TRPM3: variants seen among roughly 807,000 people sequenced by gnomAD.
TRPM3 encodes transient receptor potential cation channel subfamily M member 3.
A neutral mutation model predicts 181.2 loss-of-function variants in TRPM3; 77 were observed. The ratio of observed to expected loss-of-function variants is 0.42; its 90% CI spans 0.35 to 0.51. The LOEUF is 0.51. Ranked by LOEUF, TRPM3 falls within the 20% of genes least tolerant of loss-of-function variation. The probability of loss-of-function intolerance (pLI) is 0.01; values close to 1 mark genes in which losing one functional copy is unlikely to be tolerated. For synonymous variants in TRPM3, 745 were observed against 796.4 expected (o/e 0.94, Z 1.09); for missense variants, 1,759 against 2,196.7 (o/e 0.80, Z 3.98).
At chr9:71,044,753 C>T (rs1302548050) in intron 1 of TRPM3, among the ~76,000 whole-genome samples, 1 of 152,048 alleles carries the variant, frequency 6.6e-6, no homozygotes, top group Non-Finnish European at 1.5e-5. Context: ...CTCACTGCAA[C>T]CTCCGCCTCC....
chr9:71,020,843 G>A (rs971709960), intron 1 of TRPM3, among the ~76,000 whole-genome samples: 9 of 152,140 alleles, frequency 5.9e-5, no homozygotes, highest in Admixed American at 5.2e-4. Context: ...AATTCTCATA[G>A]TCTACAGTAA....
chr9:71,297,547 G>A (rs1320683963), intron 1 of TRPM3, among the ~76,000 whole-genome samples: 4 of 152,086 alleles, frequency 2.6e-5, no homozygotes, highest in Non-Finnish European at 4.4e-5. Context: ...GAATGAGATC[G>A]GAATGAAGGA....
chr9:70,966,642 T>G (rs186559186), intron 1 of TRPM3, among the ~76,000 whole-genome samples: 2 of 152,124 alleles, frequency 1.3e-5, no homozygotes, highest in Admixed American at 1.3e-4. Flanking sequence ...AACAAAGGAA[T>G]AGAAAACCAA....
chr9:71,330,082 G>A (rs1219990889), intron 1 of TRPM3, among the ~76,000 whole-genome samples: 5 of 150,278 alleles, frequency 3.3e-5, no homozygotes, highest in East Asian at 3.9e-4. Context: ...CTGCAGCATA[G>A]TGCCCAGCAT....
intron 11 of TRPM3, among the ~76,000 whole-genome samples, chr9:70,638,551 C>A (rs2057570875): frequency 6.6e-6 from 1 of 152,006 alleles, no homozygotes; most frequent in Non-Finnish European, 1.5e-5. Flanking sequence ...CATTACTAAG[C>A]TAAAAAACAA....
Position 70,529,185 on chromosome 9 carries a change from A to G in TRPM3, c.*6768T>C, listed in dbSNP as rs2040525688. On this transcript the variant is annotated 3_prime_UTR_variant, in exon 26 of 26. Coordinates refer to ENST00000677713, the MANE Select transcript of TRPM3 (RefSeq NM_001366145.2). Reference sequence around the variant, plus strand: ...TTGTATATCTAAACAATCAAACTCAAAGTGCATTGTGAATCCAATAATAGA... The same window carrying G: ...TTGTATATCTAAACAATCAAACTCAGAGTGCATTGTGAATCCAATAATAGA... 1 of 152,158 alleles carries G rather than the reference A, an allele frequency of 6.6e-6. No homozygotes were observed. Among genetic ancestry groups the G allele is most frequent in the African/African-American group, 2.4e-5 (1 of 41,424 alleles). The allele number at this position is 152,158 out of a possible 1,614,324, so 9.4% of individuals were successfully genotyped here.
intron 1 of TRPM3, among the ~76,000 whole-genome samples, chr9:71,414,724 C>T (rs1358918603): frequency 6.6e-6 from 1 of 151,998 alleles, no homozygotes; most frequent in Non-Finnish European, 1.5e-5. Context: ...ACTCATGAAG[C>T]AGAGAAATCC....
At chr9:71,226,096 A>T (rs1344961628) in intron 1 of TRPM3, among the ~76,000 whole-genome samples, 1 of 146,816 alleles carries the variant, frequency 6.8e-6, no homozygotes, top group Non-Finnish European at 1.5e-5. Context: ...TTATGCAATC[A>T]CTTAAATCAT....
intron 1 of TRPM3, among the ~76,000 whole-genome samples, chr9:71,205,742 T>G (rs2079084825): frequency 6.6e-6 from 1 of 152,220 alleles, no homozygotes; most frequent in Non-Finnish European, 1.5e-5. Flanking sequence ...TTACATTTTG[T>G]GTAGTCTGGA....
intron 6 of TRPM3, among the ~76,000 whole-genome samples, chr9:70,810,446 G>T (rs552011004): frequency 1.3e-5 from 2 of 151,346 alleles, no homozygotes; most frequent in African/African-American, 4.9e-5. Flanking sequence ...GAGGTCCTCT[G>T]CTTGCCTCCA....
chr9:70,694,080 A>G (rs533540687), intron 8 of TRPM3, among the ~76,000 whole-genome samples: 2 of 152,036 alleles, frequency 1.3e-5, no homozygotes, highest in South Asian at 4.2e-4. Context: ...CACTTTAGAG[A>G]CTCTGAGAGA....
intron 25 of TRPM3, among the ~76,000 whole-genome samples, chr9:70,539,544 T>A (rs2042723744): frequency 1.3e-5 from 2 of 150,460 alleles, no homozygotes; most frequent in Middle Eastern, 6.8e-3. Flanking sequence ...CCAGGCACAC[T>A]CTGCCACCAT....
At chr9:70,945,404 T>C (rs976733942) in intron 1 of TRPM3, among the ~76,000 whole-genome samples, 20 of 152,178 alleles carry the variant, frequency 1.3e-4, no homozygotes, top group African/African-American at 4.6e-4. Flanking sequence ...ATTTGTCAAA[T>C]AAATGAACTA....
intron 22 of TRPM3, among the ~76,000 whole-genome samples, chr9:70,563,754 G>T (rs927216959): frequency 6.6e-6 from 1 of 152,136 alleles, no homozygotes; most frequent in Admixed American, 6.6e-5. Context: ...GAGAAAGAGA[G>T]AAATGATTGA....
intron 1 of TRPM3, among the ~76,000 whole-genome samples, chr9:71,391,263 A>G (rs893105068): frequency 6.6e-6 from 1 of 151,984 alleles, no homozygotes; most frequent in East Asian, 1.9e-4. Context: ...CATTATTTCT[A>G]TTTTACACAA....
At chr9:71,356,557 C>A (rs1453863415) in intron 1 of TRPM3, among the ~76,000 whole-genome samples, 2 of 152,048 alleles carry the variant, frequency 1.3e-5, no homozygotes, top group South Asian at 2.1e-4. Context: ...CTTAGCTAAG[C>A]CTGTGTTTTA....
At chr9:70,976,065 G>T (rs2909293) in intron 1 of TRPM3, among the ~76,000 whole-genome samples, 1 of 152,012 alleles carries the variant, frequency 6.6e-6, no homozygotes. Context: ...CATCTAGCAC[G>T]TATTTTCAGT....
chr9:71,192,998 A>T (rs2078126163), intron 1 of TRPM3, among the ~76,000 whole-genome samples: 1 of 151,924 alleles, frequency 6.6e-6, no homozygotes, highest in Non-Finnish European at 1.5e-5. Flanking sequence ...AGAGGAAATG[A>T]ATTGTGTATA....
At chr9:71,026,621 A>G (rs2056547663) in intron 1 of TRPM3, among the ~76,000 whole-genome samples, 1 of 151,436 alleles carries the variant, frequency 6.6e-6, no homozygotes, top group East Asian at 2.0e-4. Flanking sequence ...TCCTCCTATC[A>G]CCTCATAGCC....
Sources: gnomAD v4.1 joint callset for allele counts (sites outside exome capture counted in the v4.1 genomes callset) on GRCh38, gnomAD v4.1.1 for gene constraint, MANE v1.5 for transcripts, NCBI Gene and HGNC (gene_info 2026-07-23, HGNC 2026-07-21) for gene names.